PTPRN2: variants seen among roughly 807,000 people sequenced by gnomAD.
The protein encoded by PTPRN2 is receptor-type tyrosine-protein phosphatase N2.
PTPRN2 carries 74 observed loss-of-function variants against 118.8 expected under a neutral mutation model. That is an observed-to-expected ratio of 0.62 (90% CI 0.52 to 0.76). The LOEUF is 0.76. Among genes scored for constraint, PTPRN2 ranks in the 30% least tolerant of loss-of-function variants. PTPRN2 has a pLI of 0.00. For synonymous variants in PTPRN2, 641 were observed against 608.0 expected (o/e 1.05, Z -0.80); for missense variants, 1,481 against 1,394.4 (o/e 1.06, Z -0.99).
At chr7:157,857,450 T>C (rs578152637) in intron 12 of PTPRN2, 1 of 152,348 alleles carries the variant, frequency 6.6e-6, no homozygotes, top group African/African-American at 2.4e-5. Flanking sequence ...TCCTCTCCTC[T>C]GTGTGGCAGG....
At chr7:158,253,053 T>C (rs1796788713) in intron 3 of PTPRN2, among the ~76,000 whole-genome samples, 1 of 152,230 alleles carries the variant, frequency 6.6e-6, no homozygotes, top group Non-Finnish European at 1.5e-5. Flanking sequence ...CAGACCTCGT[T>C]GTCCAGACCA....
intron 1 of PTPRN2, among the ~76,000 whole-genome samples, chr7:158,505,330 A>G (rs1822662696): frequency 6.6e-6 from 1 of 152,150 alleles, no homozygotes; most frequent in Admixed American, 6.5e-5. Context: ...CAGAACCACC[A>G]AGACGGAGTA....
At chr7:158,227,096 A>T (rs1411310362) in intron 3 of PTPRN2, among the ~76,000 whole-genome samples, 2 of 152,126 alleles carry the variant, frequency 1.3e-5, no homozygotes, top group Non-Finnish European at 2.9e-5. Context: ...CAGAGAGTGC[A>T]CTGTGCGTGG....
chr7:157,699,921 A>G (rs76043135), intron 12 of PTPRN2, among the ~76,000 whole-genome samples: 598 of 152,314 alleles, frequency 3.9e-3, no homozygotes, highest in Middle Eastern at 0.01. Context: ...GCACATTAGC[A>G]TATAATCTGC....
intron 12 of PTPRN2, among the ~76,000 whole-genome samples, chr7:157,884,024 C>T (rs1796321148): frequency 6.6e-6 from 1 of 151,710 alleles, no homozygotes; most frequent in Non-Finnish European, 1.5e-5. Context: ...ACACACTACC[C>T]CAAAATGACT....
chr7:158,463,779 G>A (rs111536859), intron 2 of PTPRN2, among the ~76,000 whole-genome samples: 2 of 132,378 alleles, frequency 1.5e-5, no homozygotes, highest in African/African-American at 2.8e-5. Flanking sequence ...CCTTACCATC[G>A]CCATCATTGC....
At chr7:158,489,904 C>T (rs760484965) in intron 1 of PTPRN2, 119 bp from the exon 2 acceptor site, 176 of 956,056 alleles carry the variant, frequency 1.8e-4, no homozygotes, top group African/African-American at 1.4e-3. Context: ...CAGGCTCCTC[C>T]GACCCGGCTT....
intron 12 of PTPRN2, among the ~76,000 whole-genome samples, chr7:157,827,869 C>T (rs1057070832): frequency 2.6e-5 from 4 of 152,192 alleles, no homozygotes; most frequent in Non-Finnish European, 4.4e-5. Context: ...GTGCCTTCCT[C>T]GGGCTGCACG....
At chr7:157,828,371 G>C (rs1255500789) in intron 12 of PTPRN2, among the ~76,000 whole-genome samples, 1 of 152,206 alleles carries the variant, frequency 6.6e-6, no homozygotes, top group African/African-American at 2.4e-5. Flanking sequence ...CCCATGGACG[G>C]AACAGCGATC....
chr7:158,073,563 AC>A (rs1258832304), intron 11 of PTPRN2, among the ~76,000 whole-genome samples: 6 of 152,046 alleles, frequency 3.9e-5, no homozygotes, highest in Non-Finnish European at 8.8e-5. Flanking sequence ...TAAAGACACT[AC>A]CCTTTCTATG....
At chr7:158,567,533 AC>A (rs1288938886) in intron 1 of PTPRN2, among the ~76,000 whole-genome samples, 1 of 152,228 alleles carries the variant, frequency 6.6e-6, no homozygotes, top group Non-Finnish European at 1.5e-5. Flanking sequence ...AGTTCCTGCC[AC>A]GTGCTACGCC....
At chr7:157,961,564 AAAC>A (rs1397060600) in intron 11 of PTPRN2, among the ~76,000 whole-genome samples, 2 of 152,250 alleles carry the variant, frequency 1.3e-5, no homozygotes, top group African/African-American at 2.4e-5. Flanking sequence ...AAGTCGATTA[AAAC>A]AACAACAATT....
chr7:158,248,278 C>T (rs965693898), intron 3 of PTPRN2, among the ~76,000 whole-genome samples: 6 of 152,128 alleles, frequency 3.9e-5, no homozygotes, highest in African/African-American at 1.2e-4. Context: ...CCCAGCTCTC[C>T]TGTAAGAAGC....
intron 3 of PTPRN2, among the ~76,000 whole-genome samples, chr7:158,305,814 A>AAGAAAAAG (rs1462101821): frequency 6.6e-6 from 1 of 152,050 alleles, no homozygotes; most frequent in African/African-American, 2.4e-5. Context: ...AAAAGAAAGA[A>AAGAAAAAG]AGAAAAAGAA....
chr7:157,781,406 C>CG (rs61600078), intron 12 of PTPRN2, among the ~76,000 whole-genome samples: 39,741 of 152,152 alleles, frequency 0.26, 8,761 homozygotes, highest in African/African-American at 0.61. Context: ...AACATGCGTG[C>CG]CCTTCTTCTG....
At chr7:158,307,998 A>G (rs1226723418) in intron 3 of PTPRN2, among the ~76,000 whole-genome samples, 1 of 152,190 alleles carries the variant, frequency 6.6e-6, no homozygotes, top group Non-Finnish European at 1.5e-5. Context: ...CCCAACAGCA[A>G]GAAGACCCTT....
chr7:158,135,532 C>G (rs1818733400), intron 8 of PTPRN2, among the ~76,000 whole-genome samples: 1 of 152,126 alleles, frequency 6.6e-6, no homozygotes, highest in Non-Finnish European at 1.5e-5. Context: ...AAATACACCC[C>G]AAACAACAGA....
At position 157,787,050 on chromosome 7, in the gene PTPRN2, GC is replaced by G. The variant is rs1804091561; in HGVS notation, c.1789-104114del. On this transcript the variant is annotated intron_variant, in intron 12 of 22. Coordinates refer to ENST00000389418, the MANE Select transcript of PTPRN2 (RefSeq NM_002847.5). This position sits in a 1 kb window ranked among gnomAD's most constrained non-coding sequence, Gnocchi z 5.3. Reference sequence around the variant, plus strand: ...TGCGGCGGGGGACGCGGGGGTGGCTGCCCGGGAGGCGGACGCGGGTGCGGCG... The same window carrying G: ...TGCGGCGGGGGACGCGGGGGTGGCTGCCGGGAGGCGGACGCGGGTGCGGCG... Among the ~76,000 whole-genome samples the G allele has an allele frequency of 6.8e-6, 1 of 146,418 alleles. No homozygotes were observed. Among genetic ancestry groups the G allele is most frequent in the Non-Finnish European group, 1.5e-5 (1 of 66,300 alleles).
chr7:157,543,012 G>T (rs1798088308), intron 22 of PTPRN2, among the ~76,000 whole-genome samples: 1 of 152,224 alleles, frequency 6.6e-6, no homozygotes, highest in Non-Finnish European at 1.5e-5. Flanking sequence ...GCCACGTTCT[G>T]AGCAGAATCC....
Sources: gnomAD v4.1 joint callset for allele counts (sites outside exome capture counted in the v4.1 genomes callset) on GRCh38, gnomAD v4.1.1 for gene constraint, Gnocchi (gnomAD v3.1) non-coding constraint, MANE v1.5 for transcripts, NCBI Gene and HGNC (gene_info 2026-07-23, HGNC 2026-07-21) for gene names.